PCDHGA5: variants seen among roughly 807,000 people sequenced by gnomAD.
PCDHGA5 encodes protocadherin gamma subfamily A, 5, also known as protocadherin gamma-A5.
Under a neutral mutation model 56.7 loss-of-function variants are expected in PCDHGA5, and 36 were observed. The observed-to-expected ratio is 0.64, with a 90% confidence interval of 0.49 to 0.84. PCDHGA5 has a LOEUF of 0.84. Ranked by LOEUF, PCDHGA5 falls within the 40% of genes least tolerant of loss-of-function variation. PCDHGA5 has a pLI of 0.00. For synonymous variants in PCDHGA5, 563 were observed against 520.2 expected (o/e 1.08, Z -1.12); for missense variants, 1,305 against 1,201.5 (o/e 1.09, Z -1.27).
intron 1 of PCDHGA5, chr5:141,399,019 A>G (rs576771907): frequency 2.5e-6 from 4 of 1,613,932 alleles, no homozygotes; most frequent in East Asian, 2.2e-5. Context: ...CGGAGAAATT[A>G]CCACTCAAAA....
At chr5:141,468,836 A>G (rs1286137807) in intron 1 of PCDHGA5, among the ~76,000 whole-genome samples, 1 of 152,170 alleles carries the variant, frequency 6.6e-6, no homozygotes, top group East Asian at 1.9e-4. Flanking sequence ...ACTGCACTCC[A>G]GCCTGGGCAA....
chr5:141,459,289 A>G (rs2098965378), intron 1 of PCDHGA5, among the ~76,000 whole-genome samples: 1 of 152,216 alleles, frequency 6.6e-6, no homozygotes, highest in Non-Finnish European at 1.5e-5. Flanking sequence ...ATCTAAATGG[A>G]ATCCTATAAC....
intron 2 of PCDHGA5, among the ~76,000 whole-genome samples, chr5:141,502,239 A>G (rs2099813426): frequency 6.6e-6 from 1 of 152,148 alleles, no homozygotes; most frequent in Admixed American, 6.5e-5. Flanking sequence ...GTGTTCTTTT[A>G]TCCTTTTTTT....
rs943867570 is a variant in PCDHGA5 at position 141,493,651 on chromosome 5, T to C, written c.2422-1156T>C. On this transcript the variant is annotated intron_variant, in intron 1 of 3. Coordinates refer to ENST00000518069, the MANE Select transcript of PCDHGA5 (RefSeq NM_018918.3). The surrounding 1 kb of genome is among the most constrained non-coding windows in gnomAD (Gnocchi z 4.3). ...AGTGGCTGAGGGCTGGCCATCCCTGTGCCCTTCTCCATGGCAGCCCCAGAA... is the reference window on the plus strand; with the variant it reads ...AGTGGCTGAGGGCTGGCCATCCCTGCGCCCTTCTCCATGGCAGCCCCAGAA... Among the ~76,000 whole-genome samples, 1 of 152,204 alleles carries C rather than the reference T, an allele frequency of 6.6e-6. No individual in the cohort carries two copies. The highest frequency in any genetic ancestry group is 1.5e-5 in the Non-Finnish European group (1 of 68,030).
At position 141,481,880 on chromosome 5, in the gene PCDHGA5, C is replaced by T. The variant is rs555652518; in HGVS notation, c.2422-12927C>T. Among the ~76,000 whole-genome samples, 5 of 145,406 alleles carry T rather than the reference C, an allele frequency of 3.4e-5. No individual in the cohort carries two copies. The East Asian group carries it at 1.0e-3, about 29-fold the overall frequency. On this transcript the variant is annotated intron_variant, in intron 1 of 3. Transcript: ENST00000518069. ...AGTGAGCCGAGATCGCGCCACTGCA[C>T]TCCAGCCTGGGTGAAAGAGCGAAAC...
rs370015318 is a variant in PCDHGA5 at position 141,371,900 on chromosome 5, G to A, written c.2421+5149G>A. 5 of 1,613,260 alleles carry A rather than the reference G, an allele frequency of 3.1e-6. No homozygotes were observed. In the African/African-American group the frequency reaches 5.3e-5, roughly 17 times the overall value. On this transcript the variant is annotated intron_variant, in intron 1 of 3. Transcript: ENST00000518069. ...GTGACCTGGAGCCGCGGGAGCTGTC[G>A]TCCTACGTGTCCGTGAGCGCGCGGA...
intron 1 of PCDHGA5, chr5:141,400,386 A>G (rs766907172): frequency 5.0e-6 from 8 of 1,614,040 alleles, no homozygotes; most frequent in Non-Finnish European, 5.1e-6. Context: ...TATGTGTTGC[A>G]CATACAGGAA....
At chr5:141,433,202 T>C (rs1433315739) in intron 1 of PCDHGA5, 2 of 1,578,202 alleles carry the variant, frequency 1.3e-6, no homozygotes, top group Non-Finnish European at 1.7e-6. Context: ...ATATCAAATC[T>C]TCTTTCTTTT....
intron 1 of PCDHGA5, chr5:141,419,783 C>A: frequency 1.2e-6 from 2 of 1,614,070 alleles, no homozygotes; most frequent in Non-Finnish European, 1.7e-6. Context: ...CCGCCAGCGC[C>A]TGCTAGTCGC....
chr5:141,389,553 G>T, intron 1 of PCDHGA5: 1 of 1,613,234 alleles, frequency 6.2e-7, no homozygotes. Context: ...CAACGACAAT[G>T]CGCCACGGGT....
intron 1 of PCDHGA5, chr5:141,388,653 C>T (rs1315025499): frequency 6.2e-7 from 1 of 1,613,728 alleles, no homozygotes; most frequent in Non-Finnish European, 8.5e-7. Context: ...AAACGTGTAC[C>T]CGGGGACCAC....
chr5:141,432,766 C>G lies in PCDHGA5; in HGVS notation c.2422-62041C>G. On this transcript the variant is annotated intron_variant, in intron 1 of 3. Transcript: ENST00000518069. This position sits in a 1 kb window ranked among gnomAD's most constrained non-coding sequence, Gnocchi z 6.0. Reference sequence around the variant, plus strand: ...CCGTGGCCGTGGCCGACAGCATCCCCCAAGTCCTGGCGGACCTCGGCAGCC... The same window carrying G: ...CCGTGGCCGTGGCCGACAGCATCCCGCAAGTCCTGGCGGACCTCGGCAGCC... 6.2e-7 allele frequency: 1 copy of G among 1,614,160 alleles called. No individual in the cohort carries two copies. The highest frequency in any genetic ancestry group is 8.5e-7 in the Non-Finnish European group (1 of 1,179,994).
In PCDHGA5 at chr5:141,511,532, T is replaced by G. The variant is rs548369303; in HGVS notation, c.*359T>G. Reference sequence around the variant, plus strand: ...GCCCATCCATCCCATGCCTCCCTCCTCCCCACCCCACTCCAACAGTTCCTC... The same window carrying G: ...GCCCATCCATCCCATGCCTCCCTCCGCCCCACCCCACTCCAACAGTTCCTC... On this transcript the variant is annotated 3_prime_UTR_variant, in exon 4 of 4. Transcript: ENST00000518069. 3.6e-5 allele frequency: 12 copies of G among 335,506 alleles called. No homozygotes were observed. In the East Asian group the frequency reaches 8.0e-4, roughly 22 times the overall value. The allele number at this position is 335,506 out of a possible 1,614,324, so 20.8% of individuals were successfully genotyped here. A position where few individuals can be genotyped will look rare whatever the true frequency, so the allele number is the denominator to read the frequency against.
chr5:141,365,827 G>A lies in PCDHGA5; in HGVS notation c.1497G>A (p.Ala499=), dbSNP rs746773273. ...YSLAEDTFQG[A]PLSSYVSINS... ...TGGCTGAAGACACATTTCAGGGGGC[G>A]CCCTTGTCCTCCTATGTATCCATTA... The change falls in exon 1 of 4, where the codon GCG becomes GCA. Residue 499 remains alanine (A), a synonymous_variant. Transcript: ENST00000518069. 6.2e-7 allele frequency: 1 copy of A among 1,613,872 alleles called. No individual in the cohort carries two copies. Among genetic ancestry groups the A allele is most frequent in the Admixed American group, 1.7e-5 (1 of 60,014 alleles).
intron 1 of PCDHGA5, among the ~76,000 whole-genome samples, chr5:141,448,344 A>G (rs2098583423): frequency 6.6e-6 from 1 of 152,080 alleles, no homozygotes; most frequent in Admixed American, 6.6e-5. Flanking sequence ...CATGTACCTC[A>G]ATCTTAGTAG....
At chr5:141,391,868 A>T (rs1269292273) in intron 1 of PCDHGA5, 1 of 152,190 alleles carries the variant, frequency 6.6e-6, no homozygotes, top group Non-Finnish European at 1.5e-5. Context: ...AAATTTAATC[A>T]TCTCTTTGGT....
intron 1 of PCDHGA5, chr5:141,423,108 GC>G: frequency 1.2e-6 from 2 of 1,613,864 alleles, no homozygotes; most frequent in African/African-American, 2.7e-5. Flanking sequence ...CGGGCGAGGT[GC>G]GTACAGCGCG....
chr5:141,464,063 A>G (rs893270944), intron 1 of PCDHGA5, among the ~76,000 whole-genome samples: 2 of 152,016 alleles, frequency 1.3e-5, no homozygotes, highest in Non-Finnish European at 2.9e-5. Flanking sequence ...TCAGGAGTTC[A>G]AGGCCAGCCT....
rs186638311 is a variant in PCDHGA5, at chr5:141,492,901, T to C, written c.2422-1906T>C. 3.7e-3 allele frequency among the ~76,000 whole-genome samples: 568 copies of C among 152,326 alleles called. 5 individuals carry two copies. The highest frequency in any genetic ancestry group is 0.011 in the Admixed American group (163 of 15,308). On this transcript the variant is annotated intron_variant, in intron 1 of 3. Coordinates refer to ENST00000518069, the MANE Select transcript of PCDHGA5 (RefSeq NM_018918.3). ...GAGATACAGGCTTTTGGCGCCGTCG[T>C]GATCACAATGTGCCCAGCGATCTAG...
Sources: allele counts gnomAD v4.1 joint callset (sites outside exome capture counted in the v4.1 genomes callset), GRCh38; gene constraint gnomAD v4.1.1; non-coding constraint Gnocchi (gnomAD v3.1); transcripts MANE v1.5; gene names NCBI Gene and HGNC (gene_info 2026-07-23, HGNC 2026-07-21).